TRAPPC9: variants seen among roughly 807,000 people sequenced by gnomAD.
The protein encoded by TRAPPC9 is IKK2 binding protein.
Under a neutral mutation model 124.0 loss-of-function variants are expected in TRAPPC9, and 83 were observed. The ratio of observed to expected loss-of-function variants is 0.67; its 90% CI spans 0.56 to 0.80. The LOEUF (loss-of-function observed/expected upper bound fraction) is 0.80. Ranked by LOEUF, TRAPPC9 falls within the 30% of genes least tolerant of loss-of-function variation. TRAPPC9 has a pLI of 0.00. For missense variants in TRAPPC9, 1,302 were observed against 1,508.3 expected (o/e 0.86, Z 2.27); for synonymous variants, 638 against 617.5 (o/e 1.03, Z -0.49).
At chr8:139,930,817 C>T (rs2233227) in intron 19 of TRAPPC9, among the ~76,000 whole-genome samples, 44 of 152,290 alleles carry the variant, frequency 2.9e-4, no homozygotes, top group African/African-American at 8.7e-4. Flanking sequence ...GGGAAGGAGG[C>T]GAAAACGGGG....
intron 17 of TRAPPC9, among the ~76,000 whole-genome samples, chr8:140,217,078 C>T (rs1473454528): frequency 1.3e-5 from 2 of 152,176 alleles, no homozygotes; most frequent in African/African-American, 4.8e-5. Flanking sequence ...GTGTCCCAAC[C>T]CCGGGGCACC....
In TRAPPC9 at chr8:140,283,927, G is replaced by A. The variant is rs761179684; in HGVS notation, c.2076C>T (p.Pro692=). 2.7e-5 allele frequency: 43 copies of A among 1,613,972 alleles called. No individual in the cohort carries two copies. The highest frequency in any genetic ancestry group is 9.3e-5 in the African/African-American group (7 of 74,870). The part of the protein sequence containing the change: ...KTSGSTVEVI[P]ALPRLQISTS... ...TGCTGATCTGCAGTCTTGGCAACGC[G>A]GGAATGACTTCCACTGTGGAGCCAC... is the stretch of plus-strand genomic sequence containing the variant. Residue 692 remains proline, a synonymous_variant, in exon 14 of 23, where the codon CCC becomes CCT. Coordinates refer to ENST00000438773, the MANE Select transcript of TRAPPC9 (RefSeq NM_001160372.4).
At chr8:140,345,822 C>T (rs986665542) in intron 9 of TRAPPC9, among the ~76,000 whole-genome samples, 1 of 152,154 alleles carries the variant, frequency 6.6e-6, no homozygotes, top group Non-Finnish European at 1.5e-5. Context: ...GAAGGGGTCA[C>T]GGGAGCAGGA....
intron 9 of TRAPPC9, among the ~76,000 whole-genome samples, chr8:140,336,897 T>C (rs2067057877): frequency 8.4e-6 from 1 of 118,502 alleles, no homozygotes; most frequent in Non-Finnish European, 1.7e-5. Flanking sequence ...TCCAGGCGAT[T>C]AACAGGATAT....
At chr8:140,314,018 T>C (rs184024134) in intron 9 of TRAPPC9, among the ~76,000 whole-genome samples, 31 of 152,334 alleles carry the variant, frequency 2.0e-4, no homozygotes, top group African/African-American at 7.0e-4. Context: ...GCCAGATCTA[T>C]TATTTCATCA....
intron 17 of TRAPPC9, among the ~76,000 whole-genome samples, chr8:140,172,401 G>A (rs941792361): frequency 6.5e-5 from 9 of 138,634 alleles, no homozygotes; most frequent in African/African-American, 2.4e-4. Flanking sequence ...AATGGAGGGG[G>A]GTTAAACTAC....
chr8:140,039,728 T>C (rs1302806535), intron 17 of TRAPPC9: 2 of 152,254 alleles, frequency 1.3e-5, no homozygotes, highest in Admixed American at 1.3e-4. Context: ...CTTCCTGCTA[T>C]GGTGCTAGCG....
chr8:139,744,126 T>C (rs955150848), intron 21 of TRAPPC9, among the ~76,000 whole-genome samples: 2 of 152,240 alleles, frequency 1.3e-5, no homozygotes, highest in African/African-American at 4.8e-5. Context: ...CTTCCAAGTC[T>C]TGACCAACTA....
intron 17 of TRAPPC9, among the ~76,000 whole-genome samples, chr8:140,028,663 G>A (rs1840306257): frequency 6.6e-6 from 1 of 152,226 alleles, no homozygotes; most frequent in South Asian, 2.1e-4. Context: ...TATGTCCCAG[G>A]GACTGTGGCA....
intron 10 of TRAPPC9, 52 bp downstream of exon 10, chr8:140,311,196 G>A (rs1257988165): frequency 1.2e-6 from 2 of 1,600,968 alleles, no homozygotes; most frequent in South Asian, 2.2e-5. Context: ...CAGACTAGAG[G>A]ACGGTGTCCC....
intron 17 of TRAPPC9, among the ~76,000 whole-genome samples, chr8:140,067,175 GCT>G: frequency 6.6e-6 from 1 of 152,130 alleles, no homozygotes; most frequent in African/African-American, 2.4e-5. Flanking sequence ...ACAGATTCTC[GCT>G]CTGTCTCCCA....
upstream of TRAPPC9, chr8:140,458,385 C>A: frequency 6.3e-7 from 1 of 1,598,208 alleles, no homozygotes; most frequent in Admixed American, 1.7e-5. Context: ...CCCTGTGACC[C>A]TCACGGTACC....
At position 139,825,301 on chromosome 8, in the gene TRAPPC9, C is replaced by T. The variant is rs575607442; in HGVS notation, c.3055+60578G>A. Among the ~76,000 whole-genome samples, 1 of 152,334 alleles carries T rather than the reference C, an allele frequency of 6.6e-6. No individual in the cohort carries two copies. Among genetic ancestry groups the T allele is most frequent in the East Asian group, 1.9e-4 (1 of 5,172 alleles). On this transcript the variant is annotated intron_variant, in intron 21 of 22. Transcript: ENST00000438773. This position sits in a 1 kb window ranked among gnomAD's most constrained non-coding sequence, Gnocchi z 4.6. ...TGGGACCTGCAGCCACACTGGGTCCCACTCTTTCCCGCCGAATGGAGGAGA... is the reference window on the plus strand; with the variant it reads ...TGGGACCTGCAGCCACACTGGGTCCTACTCTTTCCCGCCGAATGGAGGAGA...
rs181169722 is a variant in TRAPPC9 at position 139,952,648 on chromosome 8, C to T, written c.2810+36078G>A. The stretch of plus-strand genomic sequence containing the variant: ...ATCCTAGGATGCCTATGTTTGAGAA[C>T]AAGATACTGCAAGACAAGGCAGGTC... On this transcript the variant is annotated intron_variant, in intron 19 of 22. Coordinates refer to ENST00000438773, the MANE Select transcript of TRAPPC9 (RefSeq NM_001160372.4). 2.6e-5 allele frequency among the ~76,000 whole-genome samples: 4 copies of T among 152,268 alleles called. No individual in the cohort carries two copies. The East Asian group carries it at 7.7e-4, about 29-fold the overall frequency.
intron 21 of TRAPPC9, among the ~76,000 whole-genome samples, chr8:139,830,293 G>GCATGCA (rs142059590): frequency 5.1e-5 from 7 of 137,908 alleles, no homozygotes; most frequent in African/African-American, 1.9e-4. Flanking sequence ...GCATACACAT[G>GCATGCA]CACACACACT....
At chr8:140,418,566 C>A (rs1300876045) in intron 5 of TRAPPC9, among the ~76,000 whole-genome samples, 2 of 152,134 alleles carry the variant, frequency 1.3e-5, no homozygotes, top group Non-Finnish European at 2.9e-5. Flanking sequence ...ACTAAAAATA[C>A]AAAAATTAGC....
rs1157784212 is a variant in TRAPPC9, at chr8:140,182,497, A to C, written c.2556+38962T>G. ...TACATTAGTGTCTGCTAATTCTGAA[A>C]CTGTACAGCCCTAACTTCATACTAT... On this transcript the variant is annotated intron_variant, in intron 17 of 22. Coordinates refer to ENST00000438773, the MANE Select transcript of TRAPPC9 (RefSeq NM_001160372.4). This position sits in a 1 kb window ranked among gnomAD's most constrained non-coding sequence, Gnocchi z 4.0. Among the ~76,000 whole-genome samples the C allele has an allele frequency of 6.6e-6, 1 of 152,160 alleles. No homozygotes were observed. Among genetic ancestry groups the C allele is most frequent in the Non-Finnish European group, 1.5e-5 (1 of 68,024 alleles).
intron 7 of TRAPPC9, among the ~76,000 whole-genome samples, chr8:140,381,403 C>T (rs994147847): frequency 1.3e-5 from 2 of 152,014 alleles, no homozygotes; most frequent in Non-Finnish European, 1.5e-5. Context: ...CGCAGTGGCT[C>T]GCGCCTGTAA....
chr8:140,046,555 C>T (rs544639423), intron 17 of TRAPPC9, among the ~76,000 whole-genome samples: 118 of 152,340 alleles, frequency 7.7e-4, no homozygotes, highest in African/African-American at 2.6e-3. Flanking sequence ...AAGACTTCTG[C>T]AATGTTTCTC....
Sources: allele counts gnomAD v4.1 joint callset (sites outside exome capture counted in the v4.1 genomes callset), GRCh38; gene constraint gnomAD v4.1.1; non-coding constraint Gnocchi (gnomAD v3.1); transcripts MANE v1.5; gene names NCBI Gene and HGNC (gene_info 2026-07-23, HGNC 2026-07-21).